Variants in PTPRK observed in about 807,000 individuals in gnomAD.
PTPRK encodes the protein receptor-type tyrosine-protein phosphatase kappa.
PTPRK carries 75 observed loss-of-function variants against 178.0 expected under a neutral mutation model. The observed-to-expected ratio is 0.42, with a 90% CI of 0.35 to 0.51. The LOEUF is 0.51. PTPRK is among the 20% of genes least tolerant of loss of function. PTPRK has a pLI of 0.02. For synonymous variants in PTPRK, 637 were observed against 620.6 expected (o/e 1.03, Z -0.39); for missense variants, 1,441 against 1,797.8 (o/e 0.80, Z 3.59).
chr6:128,489,807 CT>C (rs1343937421), intron 1 of PTPRK, among the ~76,000 whole-genome samples: 2 of 152,084 alleles, frequency 1.3e-5, no homozygotes, highest in Non-Finnish European at 2.9e-5. Flanking sequence ...CAGAAATAAA[CT>C]TTTTATAATT....
intron 1 of PTPRK, among the ~76,000 whole-genome samples, chr6:128,466,456 C>A (rs1040859960): frequency 7.9e-5 from 12 of 152,272 alleles, no homozygotes; most frequent in Admixed American, 2.0e-4. Flanking sequence ...ATTTGAGGCA[C>A]TTTCTATGCA....
chr6:128,358,517 G>A (rs1288186892), intron 2 of PTPRK, among the ~76,000 whole-genome samples: 1 of 152,168 alleles, frequency 6.6e-6, no homozygotes, highest in Non-Finnish European at 1.5e-5. Context: ...GGTACAATAA[G>A]AAGAAAAACG....
chr6:128,375,171 T>C (rs980603918), intron 2 of PTPRK, among the ~76,000 whole-genome samples: 3 of 151,032 alleles, frequency 2.0e-5, no homozygotes, highest in African/African-American at 7.3e-5. Context: ...TTCACGGATT[T>C]AGCCCAAGTG....
chr6:128,271,352 G>T (rs977424312), intron 3 of PTPRK, among the ~76,000 whole-genome samples: 7 of 152,250 alleles, frequency 4.6e-5, no homozygotes, highest in African/African-American at 1.7e-4. Context: ...GAGGGGACCG[G>T]CCTGGTGTCC....
chr6:127,974,978 T>A (rs1245034737), intron 27 of PTPRK, among the ~76,000 whole-genome samples: 2 of 152,176 alleles, frequency 1.3e-5, no homozygotes, highest in East Asian at 1.9e-4. Context: ...AGCCCATGCA[T>A]CTTTTGGTAG....
At chr6:128,190,489 CCTT>C (rs1303243411) in intron 6 of PTPRK, among the ~76,000 whole-genome samples, 1 of 130,852 alleles carries the variant, frequency 7.6e-6, no homozygotes, top group African/African-American at 3.3e-5. Context: ...GTGATAGATA[CCTT>C]TTTTTTTTTT....
chr6:128,037,086 C>A (rs1418014668), intron 13 of PTPRK, among the ~76,000 whole-genome samples: 1 of 152,074 alleles, frequency 6.6e-6, no homozygotes, highest in Non-Finnish European at 1.5e-5. Flanking sequence ...CACTGTGCTG[C>A]CACCTCCCTC....
At chr6:128,124,983 T>G (rs991077835) in intron 7 of PTPRK, among the ~76,000 whole-genome samples, 1 of 152,242 alleles carries the variant, frequency 6.6e-6, no homozygotes, top group Non-Finnish European at 1.5e-5. Context: ...TTGACTCTCC[T>G]GTTCTCAAAC....
At chr6:128,367,855 T>C (rs1835734424) in intron 2 of PTPRK, among the ~76,000 whole-genome samples, 1 of 152,156 alleles carries the variant, frequency 6.6e-6, no homozygotes, top group South Asian at 2.1e-4. Context: ...AATTACAAAG[T>C]AATGTCCTAC....
chr6:128,164,657 C>T (rs1799140552), intron 7 of PTPRK, among the ~76,000 whole-genome samples: 1 of 151,180 alleles, frequency 6.6e-6, no homozygotes, highest in South Asian at 2.1e-4. Context: ...CTGGCATAAA[C>T]TGGTTTGCTG....
At position 127,969,631 on chromosome 6, in the gene PTPRK, A is replaced by G. The variant is rs1340504049; in HGVS notation, c.*596T>C. The G allele has an allele frequency of 6.6e-6, 1 of 152,176 alleles. No homozygotes were observed. The highest frequency in any genetic ancestry group is 6.5e-5 in the Admixed American group (1 of 15,270). The allele number at this position is 152,176 out of a possible 1,614,324, so 9.4% of individuals were successfully genotyped here. On this transcript the variant is annotated 3_prime_UTR_variant, in exon 30 of 30. Transcript: ENST00000368226. Reference sequence around the variant, plus strand: ...AATAAATATAATGTGCTTTCTCCATATAGACATATTTACACTTGAGTCTTT... The same window carrying G: ...AATAAATATAATGTGCTTTCTCCATGTAGACATATTTACACTTGAGTCTTT...
chr6:128,233,469 A>G (rs532790668), intron 5 of PTPRK, among the ~76,000 whole-genome samples: 17 of 152,334 alleles, frequency 1.1e-4, no homozygotes, highest in African/African-American at 3.8e-4. Flanking sequence ...CGGTTGGTAC[A>G]GTAGGGGGTC....
rs79668421 is a variant in PTPRK at position 127,973,831 on chromosome 6, T to C, written c.3970-4A>G. 5.0e-6 allele frequency: 8 copies of C among 1,609,566 alleles called. No homozygotes were observed. The highest frequency in any genetic ancestry group is 2.2e-5 in the South Asian group (2 of 90,816). ...CCATCAGATAACCTTCCTGTGGCTG[T>C]AGAGGGAAGTGTTTTTATGTAAATA... On this transcript the variant is annotated splice_polypyrimidine_tract_variant and splice_region_variant and intron_variant, in intron 27 of 29. Coordinates refer to ENST00000368226, the MANE Select transcript of PTPRK (RefSeq NM_002844.4).
intron 1 of PTPRK, among the ~76,000 whole-genome samples, chr6:128,483,696 C>T (rs1852411707): frequency 6.6e-6 from 1 of 152,108 alleles, no homozygotes; most frequent in Non-Finnish European, 1.5e-5. Flanking sequence ...TCACAGCTAT[C>T]CCTTGATATG....
chr6:128,369,908 A>G (rs1836030561), intron 2 of PTPRK, among the ~76,000 whole-genome samples: 1 of 152,112 alleles, frequency 6.6e-6, no homozygotes, highest in South Asian at 2.1e-4. Flanking sequence ...CAGTCTTGTA[A>G]GAGAAAAAAA....
At chr6:128,302,305 T>C (rs1426879966) in intron 3 of PTPRK, among the ~76,000 whole-genome samples, 1 of 143,446 alleles carries the variant, frequency 7.0e-6, no homozygotes, top group African/African-American at 2.6e-5. Context: ...GGCATAAGAA[T>C]GGTGTGAACC....
chr6:128,516,387 T>TAG (rs1386467152), intron 1 of PTPRK, among the ~76,000 whole-genome samples: 1 of 150,944 alleles, frequency 6.6e-6, no homozygotes, highest in Non-Finnish European at 1.5e-5. Flanking sequence ...GCAAGAGAAC[T>TAG]AGAGAGAGAA....
intron 1 of PTPRK, among the ~76,000 whole-genome samples, chr6:128,504,569 A>G (rs1856052426): frequency 6.6e-6 from 1 of 152,202 alleles, no homozygotes; most frequent in South Asian, 2.1e-4. Flanking sequence ...GCAGGCTTCA[A>G]CTGGGATGTG....
intron 7 of PTPRK, among the ~76,000 whole-genome samples, chr6:128,173,504 T>C (rs1391970043): frequency 6.6e-6 from 1 of 151,994 alleles, no homozygotes; most frequent in African/African-American, 2.4e-5. Flanking sequence ...GACACTTAAA[T>C]CTGTATATCC....
Sources: gnomAD v4.1 joint callset for allele counts (sites outside exome capture counted in the v4.1 genomes callset) on GRCh38, gnomAD v4.1.1 for gene constraint, MANE v1.5 for transcripts, NCBI Gene and HGNC (gene_info 2026-07-23, HGNC 2026-07-21) for gene names.